IMMP2L: variants seen among roughly 807,000 people sequenced by gnomAD.
The protein encoded by IMMP2L is mitochondrial inner membrane protease subunit 2.
A neutral mutation model predicts 19.3 loss-of-function variants in IMMP2L; 18 were observed. That is an observed-to-expected ratio of 0.93 (90% CI 0.64 to 1.38). IMMP2L has a LOEUF of 1.38. Among genes scored for constraint, IMMP2L ranks in the 40% most tolerant of loss-of-function variants. The pLI is 0.00. For synonymous variants in IMMP2L, 76 were observed against 73.0 expected, an observed-to-expected ratio of 1.04 and a Z score of -0.21; for missense variants, 233 against 218.2, an observed-to-expected ratio of 1.07 and a Z score of -0.43.
At chr7:110,849,707 T>C (rs1585023397) in intron 5 of IMMP2L, among the ~76,000 whole-genome samples, 1 of 152,228 alleles carries the variant, frequency 6.6e-6, no homozygotes, top group South Asian at 2.1e-4. Context: ...ATTGGGATTT[T>C]GCAGCAGTAA....
chr7:111,359,137 G>A (rs1212866167), intron 3 of IMMP2L, among the ~76,000 whole-genome samples: 1 of 152,098 alleles, frequency 6.6e-6, no homozygotes, highest in Non-Finnish European at 1.5e-5. Flanking sequence ...GTGAGACAGA[G>A]GCTGGCTGCT....
chr7:111,446,717 G>A (rs1003365879), intron 3 of IMMP2L, among the ~76,000 whole-genome samples: 20 of 152,358 alleles, frequency 1.3e-4, no homozygotes, highest in Non-Finnish European at 2.4e-4. Context: ...GAATGATTTC[G>A]ATGAGCTAAG....
rs1414190575 is a variant in IMMP2L, at chr7:111,562,017, A to C, written c.-169T>G. 2 of 152,590 alleles carry C rather than the reference A, an allele frequency of 1.3e-5. No homozygotes were observed. Among genetic ancestry groups the C allele is most frequent in the East Asian group, 3.9e-4 (2 of 5,176 alleles). The allele number at this position is 152,590 out of a possible 1,614,324, so 9.5% of individuals were successfully genotyped here. A position where few individuals can be genotyped will look rare whatever the true frequency, so the allele number is the denominator to read the frequency against. The stretch of plus-strand genomic sequence containing the variant: ...CCACCTGCCCAACACTTCCAGGCAG[A>C]AGGCAGCGCGCCCCCACAGCGCTCC... On this transcript the variant is annotated 5_prime_UTR_variant, in exon 1 of 6. Coordinates refer to ENST00000405709, the MANE Select transcript of IMMP2L (RefSeq NM_032549.4).
intron 3 of IMMP2L, among the ~76,000 whole-genome samples, chr7:111,430,169 T>A (rs1051837245): frequency 6.6e-6 from 1 of 151,820 alleles, no homozygotes; most frequent in South Asian, 2.1e-4. Context: ...ATATTAAAAT[T>A]GGGAAAAGAG....
At chr7:111,293,531 C>A (rs1821329313) in intron 3 of IMMP2L, among the ~76,000 whole-genome samples, 1 of 151,704 alleles carries the variant, frequency 6.6e-6, no homozygotes, top group African/African-American at 2.4e-5. Context: ...AATATAACTA[C>A]TGTTTGACAA....
rs17158071 is a variant in IMMP2L, at chr7:110,867,068, A to G, written c.408+19525T>C. Among the ~76,000 whole-genome samples the G allele has an allele frequency of 7.0e-3, 1,068 of 151,990 alleles. 13 individuals are homozygous for G. Among genetic ancestry groups the G allele is most frequent in the African/African-American group, 0.024 (1,003 of 41,490 alleles). On this transcript the variant is annotated intron_variant, in intron 5 of 5. Coordinates refer to ENST00000405709, the MANE Select transcript of IMMP2L (RefSeq NM_032549.4). ...ATAACTTATCCATATAATTATCACT[A>G]TGCACTTGTATTAGTCTGCTTGGGG... is the stretch of plus-strand genomic sequence containing the variant.
intron 3 of IMMP2L, among the ~76,000 whole-genome samples, chr7:111,072,163 G>GA (rs1428997833): frequency 1.3e-5 from 2 of 152,160 alleles, no homozygotes; most frequent in Non-Finnish European, 2.9e-5. Context: ...CCTTACAACG[G>GA]AATGGAATTC....
At chr7:111,516,659 T>C (rs1845894505) in intron 2 of IMMP2L, among the ~76,000 whole-genome samples, 1 of 152,126 alleles carries the variant, frequency 6.6e-6, no homozygotes. Context: ...ACTCACCAAC[T>C]GTTTCAGGAA....
intron 3 of IMMP2L, among the ~76,000 whole-genome samples, chr7:111,004,800 C>T (rs769205418): frequency 3.3e-5 from 5 of 151,922 alleles, no homozygotes; most frequent in Non-Finnish European, 5.9e-5. Flanking sequence ...GCTATGTGGA[C>T]GGTTTATTTA....
chr7:111,225,618 G>A (rs991048303), intron 3 of IMMP2L, among the ~76,000 whole-genome samples: 1 of 139,260 alleles, frequency 7.2e-6, no homozygotes, highest in African/African-American at 2.7e-5. Flanking sequence ...TATCAAAGAA[G>A]AATGTCACAA....
At chr7:111,375,238 A>T (rs766217475) in intron 3 of IMMP2L, among the ~76,000 whole-genome samples, 11 of 152,068 alleles carry the variant, frequency 7.2e-5, no homozygotes, top group Non-Finnish European at 1.3e-4. Context: ...AAAGACAAAA[A>T]CTACCAGGAA....
chr7:111,348,039 C>T (rs912511518), intron 3 of IMMP2L, among the ~76,000 whole-genome samples: 1 of 149,638 alleles, frequency 6.7e-6, no homozygotes, highest in African/African-American at 2.5e-5. Context: ...ATCGCAAGGA[C>T]AGAAAACCAA....
chr7:110,761,499 A>G (rs1382841690), intron 5 of IMMP2L, among the ~76,000 whole-genome samples: 4 of 152,170 alleles, frequency 2.6e-5, no homozygotes, highest in East Asian at 1.9e-4. Flanking sequence ...AAGTAAACAT[A>G]TTCTACAGGA....
At chr7:111,431,605 A>C (rs971148443) in intron 3 of IMMP2L, among the ~76,000 whole-genome samples, 2 of 151,866 alleles carry the variant, frequency 1.3e-5, no homozygotes, top group South Asian at 2.1e-4. Context: ...ATGCATATTA[A>C]AACAAAAAAG....
At chr7:110,722,054 G>C (rs1206853798) in intron 5 of IMMP2L, among the ~76,000 whole-genome samples, 1 of 152,024 alleles carries the variant, frequency 6.6e-6, no homozygotes, top group Non-Finnish European at 1.5e-5. Context: ...ATTTGAGCTG[G>C]CATTTAAAAG....
intron 3 of IMMP2L, among the ~76,000 whole-genome samples, chr7:111,127,555 A>G (rs976384023): frequency 3.3e-5 from 5 of 152,192 alleles, no homozygotes; most frequent in African/African-American, 1.2e-4. Flanking sequence ...AAATTTTAAT[A>G]TAAATTTCCA....
intron 3 of IMMP2L, among the ~76,000 whole-genome samples, chr7:111,126,323 C>T (rs1333059190): frequency 6.6e-6 from 1 of 151,872 alleles, no homozygotes; most frequent in East Asian, 1.9e-4. Flanking sequence ...AAAATTACAC[C>T]ATAAAACATA....
intron 1 of IMMP2L, among the ~76,000 whole-genome samples, chr7:111,554,020 T>C (rs1172030030): frequency 6.6e-6 from 1 of 152,114 alleles, no homozygotes; most frequent in Non-Finnish European, 1.5e-5. Context: ...TAAGGATACG[T>C]AACTATTAAA....
At chr7:110,908,926 G>C (rs915610932) in intron 4 of IMMP2L, among the ~76,000 whole-genome samples, 1 of 152,164 alleles carries the variant, frequency 6.6e-6, no homozygotes, top group African/African-American at 2.4e-5. Context: ...TAGTAGGAAA[G>C]ATAGACATTA....
Sources: allele counts gnomAD v4.1 joint callset (sites outside exome capture counted in the v4.1 genomes callset), GRCh38; gene constraint gnomAD v4.1.1; transcripts MANE v1.5; gene names NCBI Gene and HGNC (gene_info 2026-07-23, HGNC 2026-07-21).